Variants in SLCO1A2 observed in about 807,000 individuals in gnomAD.
SLCO1A2 encodes the protein solute carrier organic anion transporter family member 1A2, also known as OATP-1.
SLCO1A2 carries 67 observed loss-of-function variants against 69.0 expected under a neutral mutation model. That is an observed-to-expected ratio of 0.97 (90% CI 0.80 to 1.19). SLCO1A2 has a LOEUF of 1.19. Ranked by LOEUF, SLCO1A2 falls within the 50% of genes most tolerant of loss-of-function variation. SLCO1A2 has a pLI of 0.00. For synonymous variants in SLCO1A2, 260 were observed against 265.9 expected (o/e 0.98, Z 0.22); for missense variants, 787 against 793.7 (o/e 0.99, Z 0.10).
chr12:21,329,065 G>A lies in SLCO1A2; in HGVS notation c.60+5523C>T, dbSNP rs142855172. ...AGGTTGTTCTCTTATGAATAACCTC[G>A]TATACATTTGGATCACATATACTCA... is the stretch of plus-strand genomic sequence containing the variant. On this transcript the variant is annotated intron_variant, in intron 2 of 14. Coordinates refer to ENST00000683939, the MANE Select transcript of SLCO1A2 (RefSeq NM_001386879.1). Among the ~76,000 whole-genome samples, 184 of 152,214 alleles carry A rather than the reference G, an allele frequency of 1.2e-3. 2 individuals are homozygous for A. The highest frequency in any genetic ancestry group is 9.3e-3 in the East Asian group (48 of 5,162).
At chr12:21,299,684 A>G (rs1461172719) in intron 8 of SLCO1A2, among the ~76,000 whole-genome samples, 2 of 149,100 alleles carry the variant, frequency 1.3e-5, no homozygotes, top group African/African-American at 2.5e-5. Context: ...TCTTAGTTTA[A>G]ATTTGCTTGT....
In SLCO1A2 at chr12:21,292,209, A is replaced by G. The variant is rs1300633390; in HGVS notation, c.1565T>C (p.Phe522Ser). Residue 522 changes from phenylalanine (F) to serine (S), a missense_variant, in exon 12 of 15, where the codon TTC (phenylalanine) becomes TCC (serine). Coordinates refer to ENST00000683939, the MANE Select transcript of SLCO1A2 (RefSeq NM_001386879.1). ...AGGTATGGCAGCCAAAGAATAAATGAAACTGCTCATCGCTGACAAGATTAG... is the reference window on the plus strand; with the variant it reads ...AGGTATGGCAGCCAAAGAATAAATGGAACTGCTCATCGCTGACAAGATTAG... ...YFLILSAMSS[F>S]IYSLAAIPGY... 6.2e-7 allele frequency: 1 copy of G among 1,610,476 alleles called. No homozygotes were observed. Among genetic ancestry groups the G allele is most frequent in the Non-Finnish European group, 8.5e-7 (1 of 1,177,898 alleles).
At chr12:21,279,555 C>T (rs36089711) in intron 12 of SLCO1A2, among the ~76,000 whole-genome samples, 57,843 of 151,994 alleles carry the variant, frequency 0.38, 11,958 homozygotes, top group African/African-American at 0.55. Context: ...GCATGACATA[C>T]TTAAAGTGCT....
At chr12:21,281,408 C>A (rs1397153854) in intron 12 of SLCO1A2, among the ~76,000 whole-genome samples, 1 of 151,764 alleles carries the variant, frequency 6.6e-6, no homozygotes. Flanking sequence ...CAAGATCGCG[C>A]CACTGCACTC....
At chr12:21,273,136 T>A (rs148585176) in intron 14 of SLCO1A2, among the ~76,000 whole-genome samples, 2 of 152,140 alleles carry the variant, frequency 1.3e-5, no homozygotes, top group African/African-American at 2.4e-5. Context: ...CAGGTAAACA[T>A]TGTACACACA....
At chr12:21,400,343 G>C (rs1373447977), upstream of SLCO1A2, among the ~76,000 whole-genome samples, 1 of 152,030 alleles carries the variant, frequency 6.6e-6, no homozygotes, top group South Asian at 2.1e-4. Context: ...TCTCACACCA[G>C]TTAGAATGGC....
intron 12 of SLCO1A2, among the ~76,000 whole-genome samples, chr12:21,283,394 T>C (rs954577384): frequency 2.6e-5 from 4 of 152,142 alleles, no homozygotes; most frequent in African/African-American, 9.7e-5. Flanking sequence ...TAGACCCATA[T>C]TTCTTGCCAT....
intron 2 of SLCO1A2, among the ~76,000 whole-genome samples, chr12:21,371,235 G>A (rs1207575888): frequency 5.9e-5 from 9 of 152,124 alleles, no homozygotes; most frequent in East Asian, 3.9e-4. Context: ...ACTAGGGGGC[G>A]TGTCTTATGG....
intron 10 of SLCO1A2, 95 bp downstream of exon 10, chr12:21,295,502 A>G (rs998672326): frequency 9.0e-6 from 7 of 780,590 alleles, no homozygotes; most frequent in Non-Finnish European, 1.5e-5. Context: ...CATTAACTCC[A>G]ATAAGAAAAT....
chr12:21,292,688 C>T (rs911911444), intron 11 of SLCO1A2, among the ~76,000 whole-genome samples: 3 of 152,030 alleles, frequency 2.0e-5, no homozygotes, highest in Admixed American at 6.6e-5. Context: ...CTCTGCCTCC[C>T]AGGTTCAAGT....
chr12:21,277,583 C>T (rs1265970524), intron 12 of SLCO1A2, among the ~76,000 whole-genome samples: 6 of 152,238 alleles, frequency 3.9e-5, no homozygotes, highest in African/African-American at 1.4e-4. Context: ...GGTAGAGCAG[C>T]GGTTCCCAAA....
chr12:21,281,113 A>G (rs565510474), intron 12 of SLCO1A2, among the ~76,000 whole-genome samples: 1 of 152,280 alleles, frequency 6.6e-6, no homozygotes, highest in East Asian at 1.9e-4. Flanking sequence ...AAGGAAGTTT[A>G]TAACTATAAA....
At chr12:21,338,379 C>T (rs913549169), upstream of SLCO1A2, among the ~76,000 whole-genome samples, 7 of 151,964 alleles carry the variant, frequency 4.6e-5, no homozygotes, top group African/African-American at 1.7e-4. Flanking sequence ...CCCGGAACCC[C>T]CCAGGCGATA....
chr12:21,300,011 CAT>C (rs958401127), intron 8 of SLCO1A2, among the ~76,000 whole-genome samples: 14 of 141,958 alleles, frequency 9.9e-5, no homozygotes, highest in South Asian at 2.3e-4. Flanking sequence ...TGTGTGTGTA[CAT>C]ATATATGTGT....
intron 2 of SLCO1A2, among the ~76,000 whole-genome samples, chr12:21,327,157 C>T (rs938036205): frequency 1.3e-5 from 2 of 152,124 alleles, no homozygotes; most frequent in Non-Finnish European, 2.9e-5. Flanking sequence ...TCAGAGGGTG[C>T]AAGTCTCAAG....
At chr12:21,307,119 T>C in intron 4 of SLCO1A2, 131 bp from the exon 5 acceptor site, 1 of 563,488 alleles carries the variant, frequency 1.8e-6, no homozygotes, top group Non-Finnish European at 3.0e-6. Flanking sequence ...CTTTTCATCC[T>C]TGGCATCCAA....
At chr12:21,365,064 A>G (rs1255159958) in intron 2 of SLCO1A2, among the ~76,000 whole-genome samples, 1 of 152,202 alleles carries the variant, frequency 6.6e-6, no homozygotes, top group African/African-American at 2.4e-5. Flanking sequence ...TTCATATGGA[A>G]CCAAAAAAGA....
upstream of SLCO1A2, among the ~76,000 whole-genome samples, chr12:21,398,282 G>C (rs534452552): frequency 6.9e-5 from 10 of 144,914 alleles, no homozygotes; most frequent in African/African-American, 2.2e-4. Flanking sequence ...AGAAGAAATG[G>C]ATAAATTCCT....
chr12:21,332,404 A>G (rs1400666964), intron 2 of SLCO1A2, among the ~76,000 whole-genome samples: 1 of 152,132 alleles, frequency 6.6e-6, no homozygotes, highest in Non-Finnish European at 1.5e-5. Flanking sequence ...TAAAGCCTCT[A>G]GATACGCAGG....
Sources: allele counts gnomAD v4.1 joint callset (sites outside exome capture counted in the v4.1 genomes callset), GRCh38; gene constraint gnomAD v4.1.1; transcripts MANE v1.5; gene names NCBI Gene and HGNC (gene_info 2026-07-23, HGNC 2026-07-21).